IFT122: variants seen among roughly 807,000 people sequenced by gnomAD.
IFT122 encodes the protein intraflagellar transport 122.
In IFT122, 118 loss-of-function variants were observed where a neutral mutation model predicts 161.6. That is an observed-to-expected ratio of 0.73 (90% CI 0.63 to 0.85). The LOEUF (loss-of-function observed/expected upper bound fraction) is 0.85, where lower values mean the gene tolerates loss of function less well. Ranked by LOEUF, IFT122 falls within the 40% of genes least tolerant of loss-of-function variation. The probability of loss-of-function intolerance (pLI) is 0.00; values close to 1 mark genes in which losing one functional copy is unlikely to be tolerated. For synonymous variants in IFT122, 550 were observed against 602.4 expected (o/e 0.91, Z 1.27); for missense variants, 1,381 against 1,579.6 (o/e 0.87, Z 2.13).
intron 16 of IFT122, among the ~76,000 whole-genome samples, chr3:129,490,168 T>A (rs1261959592): frequency 2.6e-5 from 4 of 152,182 alleles, no homozygotes; most frequent in Admixed American, 6.5e-5. Context: ...CAGCCAGATT[T>A]ACTATAGTTG....
At chr3:129,509,243 T>A (rs2082512017) in intron 23 of IFT122, among the ~76,000 whole-genome samples, 1 of 152,238 alleles carries the variant, frequency 6.6e-6, no homozygotes. Context: ...GGCACCCACT[T>A]ATCAAGCTTT....
intron 9 of IFT122, among the ~76,000 whole-genome samples, chr3:129,473,195 G>T (rs1295363531): frequency 6.6e-6 from 1 of 152,192 alleles, no homozygotes; most frequent in African/African-American, 2.4e-5. Context: ...TAACAACTCT[G>T]TAGGCTGAGG....
At chr3:129,503,724 A>G (rs1191750858) in intron 20 of IFT122, among the ~76,000 whole-genome samples, 2 of 152,142 alleles carry the variant, frequency 1.3e-5, no homozygotes, top group African/African-American at 4.8e-5. Flanking sequence ...GACAGAGGCA[A>G]TGGTGGCTTC....
Position 129,483,647 on chromosome 3 carries a change from C to T in IFT122, c.1816C>T (p.His606Tyr), listed in dbSNP as rs777470496. 3.7e-6 allele frequency: 6 copies of T among 1,610,168 alleles called. No homozygotes were observed. The highest frequency in any genetic ancestry group is 5.1e-6 in the Non-Finnish European group (6 of 1,178,092). The change falls in exon 15 of 30, where the codon CAT (histidine) becomes TAT (tyrosine). Residue 606 changes from histidine (H) to tyrosine (Y), a missense_variant. His to Tyr is a moderately conservative substitution (Grantham distance 83, BLOSUM62 2). Transcript: ENST00000348417. ...CAATGGCTCCAAGATCTTCTGCCTCCATGTCTTCTCCATTTCTGCCGTGGA... is the reference window on the plus strand; with the variant it reads ...CAATGGCTCCAAGATCTTCTGCCTCTATGTCTTCTCCATTTCTGCCGTGGA... ...GYNGSKIFCLHVFSISAVEVP... is the reference protein window; with the variant it reads ...GYNGSKIFCLYVFSISAVEVP...
chr3:129,445,751 C>T (rs1175398227), intron 1 of IFT122, among the ~76,000 whole-genome samples: 1 of 152,180 alleles, frequency 6.6e-6, no homozygotes, highest in African/African-American at 2.4e-5. Context: ...ATGGTATCCT[C>T]ATCTACAAAA....
At chr3:129,449,020 G>A (rs1483553355) in intron 1 of IFT122, among the ~76,000 whole-genome samples, 2 of 152,118 alleles carry the variant, frequency 1.3e-5, no homozygotes, top group Admixed American at 1.3e-4. Flanking sequence ...ATCTATGTTT[G>A]CAGCTCGATT....
At chr3:129,464,073 A>T (rs745753303) in intron 6 of IFT122, among the ~76,000 whole-genome samples, 13 of 152,244 alleles carry the variant, frequency 8.5e-5, no homozygotes, top group Admixed American at 2.0e-4. Flanking sequence ...GATAGGGATA[A>T]AAATACTGAC....
chr3:129,441,616 C>G (rs923038578), intron 1 of IFT122, among the ~76,000 whole-genome samples: 1 of 152,136 alleles, frequency 6.6e-6, no homozygotes, highest in Non-Finnish European at 1.5e-5. Context: ...TTAATTTTTC[C>G]TTATGTTACA....
At position 129,501,058 on chromosome 3, in the gene IFT122, C is replaced by T. The variant is rs1257141348; in HGVS notation, c.2375+990C>T. 3.3e-5 allele frequency among the ~76,000 whole-genome samples: 5 copies of T among 151,790 alleles called. No homozygotes were observed. The East Asian group carries it at 5.8e-4, about 18-fold the overall frequency. On this transcript the variant is annotated intron_variant, in intron 19 of 29. Coordinates refer to ENST00000348417, the MANE Select transcript of IFT122 (RefSeq NM_052989.3). ...GTGGCTGCTGGTGGGTTACACCATT[C>T]GTCAAGGTGGACAACAGGGAGAGGA...
intron 9 of IFT122, 146 bp downstream of exon 9, chr3:129,469,563 T>G: frequency 1.4e-6 from 1 of 714,500 alleles, no homozygotes; most frequent in South Asian, 1.5e-5. Context: ...GCTCACTGCT[T>G]TGCATACTTT....
In IFT122 at chr3:129,515,525, A is replaced by G. The variant is rs767491295; in HGVS notation, c.3191A>G (p.Asn1064Ser). Residue 1064 changes from asparagine (N) to serine (S), a missense_variant, in exon 26 of 30, where the codon AAC (asparagine) becomes AGC (serine). Asn to Ser is a conservative substitution (Grantham distance 46). Coordinates refer to ENST00000348417, the MANE Select transcript of IFT122 (RefSeq NM_052989.3). ...TTGTGCTACCGCTGCTCCACCAACA[A>G]CCCGCTGCTCAACAACCTGGGCAAC... ...VPLCYRCSTN[N>S]PLLNNLGNVC... 41 of 1,579,366 alleles carry G rather than the reference A, an allele frequency of 2.6e-5. No individual in the cohort carries two copies. Among genetic ancestry groups the G allele is most frequent in the Middle Eastern group, 3.8e-4 (2 of 5,210 alleles).
rs66586915 is a variant in IFT122, at chr3:129,460,534, A to G, written c.273-694A>G. Reference sequence around the variant, plus strand: ...CTTGGCCGCCCAAACTGCTGGGATTACAGGTGTGAGCCACTGGGCTCAGCT... The same window carrying G: ...CTTGGCCGCCCAAACTGCTGGGATTGCAGGTGTGAGCCACTGGGCTCAGCT... On this transcript the variant is annotated intron_variant, in intron 4 of 29. Transcript: ENST00000348417. Among the ~76,000 whole-genome samples the G allele has an allele frequency of 0.091, 13,784 of 152,122 alleles. 699 individuals are homozygous for G. Among genetic ancestry groups the G allele is most frequent in the South Asian group, 0.13 (643 of 4,816 alleles).
At chr3:129,512,449 G>A (rs373854080) in intron 24 of IFT122, 37 bp downstream of exon 24, 66 of 1,398,814 alleles carry the variant, frequency 4.7e-5, no homozygotes, top group East Asian at 2.7e-4. Flanking sequence ...TCCCACCACC[G>A]TTCTTGTCTA....
chr3:129,494,297 T>G (rs1406149357), intron 17 of IFT122, among the ~76,000 whole-genome samples: 1 of 152,166 alleles, frequency 6.6e-6, no homozygotes, highest in East Asian at 1.9e-4. Context: ...CCTCCTCTTT[T>G]GACCTCCCAA....
Position 129,440,254 on chromosome 3 carries a change from G to A in IFT122, c.-77G>A. 3 of 1,536,324 alleles carry A rather than the reference G, an allele frequency of 2.0e-6. No individual in the cohort carries two copies. In the South Asian group the frequency reaches 3.6e-5, roughly 18 times the overall value. On this transcript the variant is annotated 5_prime_UTR_variant, in exon 1 of 30. Coordinates refer to ENST00000348417, the MANE Select transcript of IFT122 (RefSeq NM_052989.3). ...AGGTAGCCAAAGTGGCTTGTGGAGT[G>A]GCGACCGTTAGTGAGGCGGTTGCTG...
At chr3:129,456,234 C>T in intron 3 of IFT122, 2 of 1,285,198 alleles carry the variant, frequency 1.6e-6, no homozygotes, top group South Asian at 1.2e-5. Flanking sequence ...CACCTGCTAC[C>T]TACCAGGATG....
chr3:129,477,904 G>A, intron 11 of IFT122, 112 bp from the exon 12 acceptor site: 1 of 852,446 alleles, frequency 1.2e-6, no homozygotes, highest in Non-Finnish European at 1.9e-6. Context: ...TTCAATGAGA[G>A]TATCTCACTT....
chr3:129,488,324 G>A lies in IFT122; in HGVS notation c.1919G>A (p.Gly640Asp). 1 of 1,614,196 alleles carries A rather than the reference G, an allele frequency of 6.2e-7. No individual in the cohort carries two copies. The highest frequency in any genetic ancestry group is 2.2e-5 in the East Asian group (1 of 44,892). ...FKEAYQIACLGVTDTDWRELA... is the reference protein window; with the variant it reads ...FKEAYQIACLDVTDTDWRELA... ...GAAGCCTACCAGATTGCTTGCTTGGGTGTCACAGACACTGATTGGCGTGAA... is the reference window on the plus strand; with the variant it reads ...GAAGCCTACCAGATTGCTTGCTTGGATGTCACAGACACTGATTGGCGTGAA... Residue 640 changes from glycine (G) to aspartate (D), a missense_variant, in exon 16 of 30, where the codon GGT becomes GAT. Around this residue, in one of 7 missense-constraint regions of IFT122, gnomAD observed 544 missense variants for 648.0 expected, o/e 0.84. Coordinates refer to ENST00000348417, the MANE Select transcript of IFT122 (RefSeq NM_052989.3).
chr3:129,455,760 A>T (rs2075400601), intron 3 of IFT122, among the ~76,000 whole-genome samples: 1 of 152,110 alleles, frequency 6.6e-6, no homozygotes, highest in Non-Finnish European at 1.5e-5. Flanking sequence ...TTAATATTAT[A>T]TGTATTATAT....
Sources: gnomAD v4.1 joint callset for allele counts (sites outside exome capture counted in the v4.1 genomes callset) on GRCh38, gnomAD v4.1.1 for gene constraint, gnomAD v4.1.1 regional missense constraint, MANE v1.5 for transcripts, NCBI Gene and HGNC (gene_info 2026-07-23, HGNC 2026-07-21) for gene names.